Variants in TIMP2 observed in about 807,000 individuals in gnomAD.
TIMP2 encodes TIMP metallopeptidase inhibitor 2, also known as metalloproteinase inhibitor 2.
Under a neutral mutation model 24.3 loss-of-function variants are expected in TIMP2, and 5 were observed. The observed-to-expected ratio is 0.21, with a 90% CI of 0.11 to 0.43. The LOEUF is 0.43. Among genes scored for constraint, TIMP2 ranks in the 20% least tolerant of loss-of-function variants. The pLI is 1.00. For synonymous variants in TIMP2, 130 were observed against 123.2 expected (o/e 1.06, Z -0.37); for missense variants, 221 against 297.5 (o/e 0.74, Z 1.89).
rs548414059 is a variant in TIMP2, at chr17:78,879,506, T to C, written c.131-5587A>G. 2.0e-5 allele frequency among the ~76,000 whole-genome samples: 3 copies of C among 152,286 alleles called. No homozygotes were observed. The East Asian group carries it at 5.8e-4, about 30-fold the overall frequency. Reference sequence around the variant, plus strand: ...GGGTGCTGGGCCTGGTGTTAGGCACTGGGGTGGGTGTCAGCCCATCTCCTG... The same window carrying C: ...GGGTGCTGGGCCTGGTGTTAGGCACCGGGGTGGGTGTCAGCCCATCTCCTG... On this transcript the variant is annotated intron_variant, in intron 1 of 4. Coordinates refer to ENST00000262768, the MANE Select transcript of TIMP2 (RefSeq NM_003255.5).
intron 1 of TIMP2, among the ~76,000 whole-genome samples, chr17:78,883,930 C>T (rs559622148): frequency 1.6e-4 from 24 of 152,332 alleles, no homozygotes; most frequent in African/African-American, 4.6e-4. Context: ...CCAGAGCCTC[C>T]GGCTCGGCCC....
At chr17:78,894,482 A>G (rs2069967138) in intron 1 of TIMP2, among the ~76,000 whole-genome samples, 1 of 152,148 alleles carries the variant, frequency 6.6e-6, no homozygotes, top group Non-Finnish European at 1.5e-5. Flanking sequence ...AGGGAGAGAG[A>G]AAGCTGGGCC....
rs1177796129 is a variant in TIMP2, at chr17:78,891,707, A to C, written c.131-17788T>G. The C allele has an allele frequency of 1.2e-5, 19 of 1,550,566 alleles. No homozygotes were observed. The highest frequency in any genetic ancestry group is 3.3e-4 in the Middle Eastern group (2 of 5,998). On this transcript the variant is annotated intron_variant, in intron 1 of 4. Transcript: ENST00000262768. The surrounding 1 kb of genome is among the most constrained non-coding windows in gnomAD (Gnocchi z 4.5). ...AGCTGTTCCTTTCTCTTTTTCCTCC[A>C]CAAGCCCGATTTCTCCCACAGCAGC... is the stretch of plus-strand genomic sequence containing the variant.
At chr17:78,918,088 A>G (rs978523450) in intron 1 of TIMP2, among the ~76,000 whole-genome samples, 4 of 120,236 alleles carry the variant, frequency 3.3e-5, no homozygotes, top group African/African-American at 8.7e-5. Context: ...ACACACACAC[A>G]CACACACACA....
chr17:78,861,151 A>G (rs929952902), intron 3 of TIMP2, among the ~76,000 whole-genome samples: 1 of 152,138 alleles, frequency 6.6e-6, no homozygotes, highest in Non-Finnish European at 1.5e-5. Flanking sequence ...AAAGGAACCC[A>G]TTCCTGTATC....
intron 3 of TIMP2, among the ~76,000 whole-genome samples, chr17:78,867,179 C>T (rs1345568708): frequency 1.3e-5 from 2 of 152,104 alleles, no homozygotes; most frequent in Non-Finnish European, 2.9e-5. Flanking sequence ...GAGAATTGCC[C>T]AGGAGGCAGA....
intron 1 of TIMP2, among the ~76,000 whole-genome samples, chr17:78,916,871 C>A (rs1343977047): frequency 6.6e-6 from 1 of 152,198 alleles, no homozygotes; most frequent in Non-Finnish European, 1.5e-5. Context: ...CCCATACCCA[C>A]CCCAGGACCT....
chr17:78,903,198 T>G (rs1371315390), intron 1 of TIMP2: 1 of 152,386 alleles, frequency 6.6e-6, no homozygotes, highest in Non-Finnish European at 1.5e-5. Flanking sequence ...GGCTGGCTAC[T>G]CATAGCAGGC....
At chr17:78,893,454 T>C (rs1473988616) in intron 1 of TIMP2, among the ~76,000 whole-genome samples, 1 of 149,258 alleles carries the variant, frequency 6.7e-6, no homozygotes, top group African/African-American at 2.5e-5. Flanking sequence ...GGGCTGTGTG[T>C]GCAGGGGTGT....
intron 1 of TIMP2, among the ~76,000 whole-genome samples, chr17:78,890,178 T>G (rs1461822001): frequency 1.3e-5 from 2 of 149,782 alleles, no homozygotes; most frequent in Admixed American, 1.3e-4. Context: ...GAATGTGCCC[T>G]GGAGGACGGT....
Position 78,868,889 on chromosome 17 carries a change from G to A in TIMP2, c.340+2009C>T, listed in dbSNP as rs549535313. The stretch of plus-strand genomic sequence containing the variant: ...ACCCCACCTCCCCTGGGCACATGTG[G>A]CAATGTCCAGAGACCCCGCGACTGG... On this transcript the variant is annotated intron_variant, in intron 3 of 4. Coordinates refer to ENST00000262768, the MANE Select transcript of TIMP2 (RefSeq NM_003255.5). Among the ~76,000 whole-genome samples the A allele has an allele frequency of 5.3e-5, 8 of 152,218 alleles. 1 individual carries two copies. The highest frequency in any genetic ancestry group is 1.4e-4 in the African/African-American group (6 of 41,536).
At chr17:78,879,730 T>C (rs1343771990) in intron 1 of TIMP2, among the ~76,000 whole-genome samples, 3 of 152,140 alleles carry the variant, frequency 2.0e-5, no homozygotes, top group Non-Finnish European at 4.4e-5. Context: ...GGGTTTGAGA[T>C]CAAGGGTGAT....
At chr17:78,858,195 C>A (rs1297898721) in intron 3 of TIMP2, among the ~76,000 whole-genome samples, 2 of 152,162 alleles carry the variant, frequency 1.3e-5, no homozygotes. Context: ...GTAATCCCAG[C>A]ACTTTGGGAG....
At chr17:78,919,918 C>T (rs1291780695) in intron 1 of TIMP2, among the ~76,000 whole-genome samples, 1 of 152,132 alleles carries the variant, frequency 6.6e-6, no homozygotes, top group Non-Finnish European at 1.5e-5. Context: ...GTGCGTGCAC[C>T]GGGGGACAGA....
chr17:78,918,979 C>CAA (rs11333582), intron 1 of TIMP2, among the ~76,000 whole-genome samples: 1 of 148,310 alleles, frequency 6.7e-6, no homozygotes, highest in Non-Finnish European at 1.5e-5. Flanking sequence ...GACTCCGTCT[C>CAA]AAAAAAAAAA....
At chr17:78,864,284 C>T (rs2069590403) in intron 3 of TIMP2, among the ~76,000 whole-genome samples, 1 of 150,708 alleles carries the variant, frequency 6.6e-6, no homozygotes, top group Admixed American at 6.6e-5. Flanking sequence ...CTTCTTCCCT[C>T]CCTCCTTTCT....
At chr17:78,877,009 C>T (rs1441437912) in intron 1 of TIMP2, among the ~76,000 whole-genome samples, 1 of 152,176 alleles carries the variant, frequency 6.6e-6, no homozygotes, top group Non-Finnish European at 1.5e-5. Flanking sequence ...TCCTGCACAC[C>T]TGTCTGCTCA....
chr17:78,859,835 T>C (rs1051474002), intron 3 of TIMP2, among the ~76,000 whole-genome samples: 7 of 150,454 alleles, frequency 4.7e-5, no homozygotes, highest in African/African-American at 1.7e-4. Flanking sequence ...CTACTACACA[T>C]ACAAAAATTA....
chr17:78,896,842 G>A lies in TIMP2; in HGVS notation c.131-22923C>T, dbSNP rs551987847. Reference sequence around the variant, plus strand: ...CTCTCTACAGCCCCGTGGCCCCAGCGCAGGAGCCAGCCCATGGCAGCTCCA... The same window carrying A: ...CTCTCTACAGCCCCGTGGCCCCAGCACAGGAGCCAGCCCATGGCAGCTCCA... On this transcript the variant is annotated intron_variant, in intron 1 of 4. Coordinates refer to ENST00000262768, the MANE Select transcript of TIMP2 (RefSeq NM_003255.5). The surrounding 1 kb of genome is among the most constrained non-coding windows in gnomAD (Gnocchi z 4.4). The A allele has an allele frequency of 1.6e-5, 13 of 825,818 alleles. No homozygotes were observed. The highest frequency in any genetic ancestry group is 1.1e-4 in the African/African-American group (6 of 54,076). 51.2% of individuals were successfully genotyped at this position (825,818 alleles called of 1,614,324 possible). A position where few individuals can be genotyped will look rare whatever the true frequency, so the allele number is the denominator to read the frequency against.
Sources: gnomAD v4.1 joint callset for allele counts (sites outside exome capture counted in the v4.1 genomes callset) on GRCh38, gnomAD v4.1.1 for gene constraint, Gnocchi (gnomAD v3.1) non-coding constraint, MANE v1.5 for transcripts, NCBI Gene and HGNC (gene_info 2026-07-23, HGNC 2026-07-21) for gene names.